Variants in RUBCNL observed in about 807,000 individuals in gnomAD.
RUBCNL encodes the protein protein associated with UVRAG as autophagy enhancer.
In RUBCNL, 62 loss-of-function variants were observed where a neutral mutation model predicts 69.5. The ratio of observed to expected loss-of-function variants is 0.89; its 90% CI spans 0.73 to 1.10. RUBCNL has a LOEUF of 1.10. RUBCNL is among the 50% of genes least tolerant of loss of function. The pLI is 0.00. For missense variants in RUBCNL, 768 were observed against 798.1 expected (o/e 0.96, Z 0.45); for synonymous variants, 291 against 303.6 (o/e 0.96, Z 0.43).
At chr13:46,366,045 G>C (rs2048747481) in intron 5 of RUBCNL, among the ~76,000 whole-genome samples, 1 of 152,200 alleles carries the variant, frequency 6.6e-6, no homozygotes, top group Admixed American at 6.5e-5. Context: ...AGTCAGGATT[G>C]ATTTGTTTAC....
rs2049269912 is a variant in RUBCNL, at chr13:46,387,204, C to T, written c.-309G>A. ...GCGTCGGGTCCTCCCTCGCGCGGCT[C>T]CGGGCAGCGTTCCGTGGCCACCGCG... On this transcript the variant is annotated 5_prime_UTR_variant, in exon 1 of 15. Coordinates refer to ENST00000429979, the MANE Select transcript of RUBCNL (RefSeq NM_025113.5). 3 of 985,212 alleles carry T rather than the reference C, an allele frequency of 3.0e-6. No individual in the cohort carries two copies. The highest frequency in any genetic ancestry group is 9.4e-5 in the South Asian group (2 of 21,288). 61.0% of individuals were successfully genotyped at this position (985,212 alleles called of 1,614,324 possible).
chr13:46,349,274 T>G lies in RUBCNL; in HGVS notation c.1631+12A>C. The G allele has an allele frequency of 6.2e-7, 1 of 1,612,814 alleles. No homozygotes were observed. The stretch of plus-strand genomic sequence containing the variant: ...TGGAGGGAAGGCAGCCTGTCCCAGC[T>G]GAGAATAGTACCTGTTAGCAAACCT... On this transcript the variant is annotated intron_variant, in intron 12 of 14. Coordinates refer to ENST00000429979, the MANE Select transcript of RUBCNL (RefSeq NM_025113.5).
intron 13 of RUBCNL, among the ~76,000 whole-genome samples, 169 bp downstream of exon 13, chr13:46,345,278 C>T (rs1050726321): frequency 6.6e-5 from 10 of 152,290 alleles, no homozygotes; most frequent in African/African-American, 2.2e-4. Flanking sequence ...CACTTACCAG[C>T]AGGGGTATCT....
At chr13:46,357,432 C>T (rs117368283) in intron 9 of RUBCNL, among the ~76,000 whole-genome samples, 707 of 150,766 alleles carry the variant, frequency 4.7e-3, no homozygotes, top group Non-Finnish European at 8.1e-3. Context: ...TGCCCGTGTA[C>T]AGGGTTCCAG....
At chr13:46,362,043 T>G (rs1474224685) in intron 7 of RUBCNL, among the ~76,000 whole-genome samples, 1 of 147,704 alleles carries the variant, frequency 6.8e-6, no homozygotes, top group African/African-American at 2.5e-5. Flanking sequence ...CTGGTCAACA[T>G]AGTGAAACCC....
chr13:46,347,718 G>A lies in RUBCNL; in HGVS notation c.1631+1568C>T, dbSNP rs544643995. Among the ~76,000 whole-genome samples, 50 of 151,998 alleles carry A rather than the reference G, an allele frequency of 3.3e-4. No individual in the cohort carries two copies. In the South Asian group the frequency reaches 0.01, roughly 31 times the overall value. ...AGAAGGAAGGAAATTCTGGCTGGGC[G>A]CGGTGGCTCATGCCTGTAATCCCAG... On this transcript the variant is annotated intron_variant, in intron 12 of 14. Coordinates refer to ENST00000429979, the MANE Select transcript of RUBCNL (RefSeq NM_025113.5).
At chr13:46,384,933 C>A (rs537391847) in intron 1 of RUBCNL, among the ~76,000 whole-genome samples, 1 of 152,294 alleles carries the variant, frequency 6.6e-6, no homozygotes, top group East Asian at 1.9e-4. Context: ...AACCCTGGAA[C>A]CTTGTCCATA....
At chr13:46,345,292 C>T (rs2048221640) in intron 13 of RUBCNL, among the ~76,000 whole-genome samples, 155 bp downstream of exon 13, 1 of 152,194 alleles carries the variant, frequency 6.6e-6, no homozygotes, top group African/African-American at 2.4e-5. Flanking sequence ...GGTATCTCAG[C>T]TGTTACTTCA....
intron 12 of RUBCNL, among the ~76,000 whole-genome samples, chr13:46,346,767 C>A (rs1033557027): frequency 6.7e-6 from 1 of 148,254 alleles, no homozygotes. Flanking sequence ...CTGAAAAAAA[C>A]GCTTTAAAGC....
At chr13:46,387,764 T>A, upstream of RUBCNL, 1 of 985,574 alleles carries the variant, frequency 1.0e-6, no homozygotes, top group East Asian at 1.1e-4. Flanking sequence ...ACTGTCCGCG[T>A]TAGTTTAGCC....
At position 46,372,577 on chromosome 13, in the gene RUBCNL, C is replaced by G. The variant is rs2048903637; in HGVS notation, c.-102G>C. The stretch of plus-strand genomic sequence containing the variant: ...GGCCCTGAACTCACCACATGGCCAG[C>G]TGGGGGTCTGGAGAGCTATTCTGCA... On this transcript the variant is annotated 5_prime_UTR_variant, in exon 3 of 15. Transcript: ENST00000429979. 1 of 1,476,720 alleles carries G rather than the reference C, an allele frequency of 6.8e-7. No individual in the cohort carries two copies. The highest frequency in any genetic ancestry group is 1.4e-5 in the African/African-American group (1 of 71,230). 91.5% of individuals were successfully genotyped at this position (1,476,720 alleles called of 1,614,324 possible). A position where few individuals can be genotyped will look rare whatever the true frequency, so the allele number is the denominator to read the frequency against.
chr13:46,361,637 C>T (rs2138748253), intron 7 of RUBCNL, 64 bp from the exon 8 acceptor site: 2 of 1,517,336 alleles, frequency 1.3e-6, no homozygotes, highest in African/African-American at 1.4e-5. Context: ...CAGGGTCTTC[C>T]TGAGGTTTTC....
chr13:46,384,496 C>T (rs2049192413), intron 1 of RUBCNL, among the ~76,000 whole-genome samples: 1 of 152,106 alleles, frequency 6.6e-6, no homozygotes, highest in Non-Finnish European at 1.5e-5. Flanking sequence ...ACTTACTCTA[C>T]AATTTTCATC....
At chr13:46,362,939 G>GAGATATATATATATAT (rs1718394534) in intron 6 of RUBCNL, among the ~76,000 whole-genome samples, 176 bp downstream of exon 6, 1 of 41,498 alleles carries the variant, frequency 2.4e-5, no homozygotes, top group Non-Finnish European at 3.8e-5. Context: ...TATATATATA[G>GAGATATATATATATAT]ATATATATAT....
chr13:46,372,585 C>A lies in RUBCNL; in HGVS notation c.-110G>T, dbSNP rs1465684663. On this transcript the variant is annotated 5_prime_UTR_variant, in exon 3 of 15. Coordinates refer to ENST00000429979, the MANE Select transcript of RUBCNL (RefSeq NM_025113.5). ...ACTCACCACATGGCCAGCTGGGGGT[C>A]TGGAGAGCTATTCTGCAATGAGCAA... 3 of 1,468,426 alleles carry A rather than the reference C, an allele frequency of 2.0e-6. No individual in the cohort carries two copies. 91.0% of individuals were successfully genotyped at this position (1,468,426 alleles called of 1,614,324 possible).
chr13:46,363,219 C>A lies in RUBCNL; in HGVS notation c.827-6G>T. 3 of 1,467,998 alleles carry A rather than the reference C, an allele frequency of 2.0e-6. No individual in the cohort carries two copies. Among genetic ancestry groups the A allele is most frequent in the Non-Finnish European group, 1.8e-6 (2 of 1,098,650 alleles). 90.9% of individuals were successfully genotyped at this position (1,467,998 alleles called of 1,614,324 possible). Reference sequence around the variant, plus strand: ...GACCTGTAACACAGCACAACCTAGACAAAGAAAGGAAGGAGGTTTTTACCA... The same window carrying A: ...GACCTGTAACACAGCACAACCTAGAAAAAGAAAGGAAGGAGGTTTTTACCA... On this transcript the variant is annotated splice_region_variant and splice_polypyrimidine_tract_variant and intron_variant, in intron 5 of 14. Transcript: ENST00000429979.
At chr13:46,389,762 T>C (rs545212685), upstream of RUBCNL, 23 of 152,080 alleles carry the variant, frequency 1.5e-4, no homozygotes, top group African/African-American at 5.3e-4. This position sits in a 1 kb window ranked among gnomAD's most constrained non-coding sequence, Gnocchi z 4.2. Context: ...CAAGGACAGG[T>C]TTTTCAAGTT....
At position 46,372,369 on chromosome 13, in the gene RUBCNL, T is replaced by C; in HGVS notation, c.107A>G (p.Asp36Gly). ...IDGSPRLLNTDHPPCQLDIRL... is the reference protein window; with the variant it reads ...IDGSPRLLNTGHPPCQLDIRL... The stretch of plus-strand genomic sequence containing the variant: ...GATGTCTAATTGGCAAGGAGGATGG[T>C]CAGTGTTCAGGAGTCTGGGCGAACC... Residue 36 changes from aspartate to glycine, a missense_variant, in exon 3 of 15, where the codon GAC (aspartate) becomes GGC (glycine). Coordinates refer to ENST00000429979, the MANE Select transcript of RUBCNL (RefSeq NM_025113.5). 6.2e-7 allele frequency: 1 copy of C among 1,613,992 alleles called. No homozygotes were observed. The highest frequency in any genetic ancestry group is 1.3e-5 in the African/African-American group (1 of 75,054).
upstream of RUBCNL, chr13:46,387,643 G>T (rs1188041582): frequency 5.1e-6 from 5 of 985,480 alleles, no homozygotes; most frequent in Non-Finnish European, 6.0e-6. Context: ...GAGTAATCTG[G>T]ATGAGTCGGC....
Sources: allele counts gnomAD v4.1 joint callset (sites outside exome capture counted in the v4.1 genomes callset), GRCh38; gene constraint gnomAD v4.1.1; non-coding constraint Gnocchi (gnomAD v3.1); transcripts MANE v1.5; gene names NCBI Gene and HGNC (gene_info 2026-07-23, HGNC 2026-07-21).